The following TMED8 variants were observed in gnomAD, a reference collection of about 807,000 sequenced individuals.
TMED8 encodes the protein transmembrane p24 trafficking protein family member 8.
TMED8 carries 15 observed loss-of-function variants against 32.7 expected under a neutral mutation model. The ratio of observed to expected loss-of-function variants is 0.46; its 90% CI spans 0.31 to 0.71. TMED8 has a LOEUF of 0.71. Among genes scored for constraint, TMED8 ranks in the 30% least tolerant of loss-of-function variants. The pLI is 0.06. For missense variants in TMED8, 390 were observed against 423.9 expected (o/e 0.92, Z 0.70); for synonymous variants, 147 against 161.4 (o/e 0.91, Z 0.68).
intron 1 of TMED8, chr14:77,359,549 T>C (rs1456526962): frequency 4.9e-6 from 2 of 407,978 alleles, no homozygotes; most frequent in Non-Finnish European, 4.9e-6. Context: ...TGTGTTGTTT[T>C]CATAATATCT....
chr14:77,347,354 C>A (rs960046696), intron 2 of TMED8, among the ~76,000 whole-genome samples: 1 of 152,222 alleles, frequency 6.6e-6, no homozygotes, highest in Non-Finnish European at 1.5e-5. Flanking sequence ...CCGTTTCATA[C>A]CCTGTCCCCG....
At chr14:77,371,141 G>A (rs890172697) in intron 1 of TMED8, among the ~76,000 whole-genome samples, 3 of 152,110 alleles carry the variant, frequency 2.0e-5, no homozygotes, top group Admixed American at 6.6e-5. Context: ...TAATAACCTT[G>A]TATCTATGTC....
rs894713547 is a variant in TMED8 at position 77,338,386 on chromosome 14, C to G, written c.*3385G>C. ...TAAAAAGAAAAATTCATCATCTGTTCTCTCTGAAGCCTGCTACCTGGAGGC... is the reference window on the plus strand; with the variant it reads ...TAAAAAGAAAAATTCATCATCTGTTGTCTCTGAAGCCTGCTACCTGGAGGC... On this transcript the variant is annotated 3_prime_UTR_variant, in exon 6 of 6. Transcript: ENST00000216468. The G allele has an allele frequency of 6.6e-6, 1 of 152,218 alleles. No individual in the cohort carries two copies. The highest frequency in any genetic ancestry group is 2.4e-5 in the African/African-American group (1 of 41,446). The allele number at this position is 152,218 out of a possible 1,614,324, so 9.4% of individuals were successfully genotyped here. A position where few individuals can be genotyped will look rare whatever the true frequency, so the allele number is the denominator to read the frequency against.
chr14:77,343,516 C>T, intron 4 of TMED8, 33 bp from the exon 5 acceptor site: 1 of 1,604,356 alleles, frequency 6.2e-7, no homozygotes, highest in South Asian at 1.1e-5. Context: ...ACTGAGAAAC[C>T]ATGAGGAAAC....
intron 1 of TMED8, among the ~76,000 whole-genome samples, chr14:77,357,576 C>T (rs1366620294): frequency 1.3e-5 from 2 of 152,320 alleles, no homozygotes; most frequent in South Asian, 2.1e-4. Flanking sequence ...ATCATAACAA[C>T]CTCCAAAGGT....
chr14:77,367,677 G>A (rs1258092115), intron 1 of TMED8, among the ~76,000 whole-genome samples: 1 of 151,748 alleles, frequency 6.6e-6, no homozygotes, highest in African/African-American at 2.4e-5. Context: ...ATTGTAGGTA[G>A]GTTTGTTAAC....
intron 1 of TMED8, among the ~76,000 whole-genome samples, chr14:77,360,274 A>C (rs1023597461): frequency 6.6e-6 from 1 of 152,044 alleles, no homozygotes; most frequent in Non-Finnish European, 1.5e-5. Context: ...TGTACATTAG[A>C]TCTCTAGACT....
At position 77,373,366 on chromosome 14, in the gene TMED8, G is replaced by A. The variant is rs926104457; in HGVS notation, c.118+3570C>T. Among the ~76,000 whole-genome samples, 109 of 151,252 alleles carry A rather than the reference G, an allele frequency of 7.2e-4. 1 individual carries two copies. The highest frequency in any genetic ancestry group is 1.9e-4 in the Non-Finnish European group (13 of 67,866). On this transcript the variant is annotated intron_variant, in intron 1 of 5. Coordinates refer to ENST00000216468, the MANE Select transcript of TMED8 (RefSeq NM_213601.3). ...TAAGTGATGCAACAAGTATGCCTCAGATAGTTTCATAATTAAAGAATGATT... is the reference window on the plus strand; with the variant it reads ...TAAGTGATGCAACAAGTATGCCTCAAATAGTTTCATAATTAAAGAATGATT...
intron 1 of TMED8, among the ~76,000 whole-genome samples, chr14:77,372,125 G>A (rs1893690185): frequency 6.6e-6 from 1 of 152,124 alleles, no homozygotes; most frequent in Non-Finnish European, 1.5e-5. Flanking sequence ...AATGAACGGA[G>A]GAGGAAAAAT....
intron 1 of TMED8, among the ~76,000 whole-genome samples, chr14:77,355,600 TC>T (rs1231984825): frequency 7.9e-5 from 12 of 152,224 alleles, no homozygotes; most frequent in African/African-American, 2.9e-4. Context: ...TTCTTAACCT[TC>T]TACTGGTAGA....
chr14:77,365,579 C>T (rs967110560), intron 1 of TMED8, among the ~76,000 whole-genome samples: 2 of 152,180 alleles, frequency 1.3e-5, no homozygotes, highest in Non-Finnish European at 2.9e-5. Flanking sequence ...ACCACCGTGG[C>T]AGCTCAGTGT....
At chr14:77,370,037 T>C (rs1893641763) in intron 1 of TMED8, among the ~76,000 whole-genome samples, 1 of 152,032 alleles carries the variant, frequency 6.6e-6, no homozygotes, top group Non-Finnish European at 1.5e-5. Flanking sequence ...CCGGGCGTGG[T>C]GGCACATGCC....
rs74893687 is a variant in TMED8 at position 77,362,518 on chromosome 14, T to C, written c.119-10767A>G. ...AAGAGAAAGGAATCAAAGCTCAGCATTATAGAAAATCACCAAATCACAAAG... is the reference window on the plus strand; with the variant it reads ...AAGAGAAAGGAATCAAAGCTCAGCACTATAGAAAATCACCAAATCACAAAG... On this transcript the variant is annotated intron_variant, in intron 1 of 5. Transcript: ENST00000216468. Among the ~76,000 whole-genome samples the C allele has an allele frequency of 1.2e-3, 183 of 152,190 alleles. No individual in the cohort carries two copies. In the East Asian group the frequency reaches 0.023, roughly 19 times the overall value.
intron 1 of TMED8, among the ~76,000 whole-genome samples, chr14:77,365,112 TTCAGA>T (rs1282871867): frequency 2.6e-5 from 4 of 152,174 alleles, no homozygotes; most frequent in African/African-American, 4.8e-5. Flanking sequence ...CTGAATCTCC[TTCAGA>T]TATCACTCAG....
rs1036846708 is a variant in TMED8 at position 77,340,723 on chromosome 14, G to A, written c.*1048C>T. 1 of 152,168 alleles carries A rather than the reference G, an allele frequency of 6.6e-6. No individual in the cohort carries two copies. The highest frequency in any genetic ancestry group is 1.5e-5 in the Non-Finnish European group (1 of 68,020). The allele number at this position is 152,168 out of a possible 1,614,324, so 9.4% of individuals were successfully genotyped here. A position where few individuals can be genotyped will look rare whatever the true frequency, so the allele number is the denominator to read the frequency against. ...ATTATCACCTAAACTAAGGGACTTT[G>A]AACACCAAAAGCTTTAAGCCCTCAA... On this transcript the variant is annotated 3_prime_UTR_variant, in exon 6 of 6. Coordinates refer to ENST00000216468, the MANE Select transcript of TMED8 (RefSeq NM_213601.3).
intron 1 of TMED8, among the ~76,000 whole-genome samples, chr14:77,355,187 T>C (rs1344540242): frequency 6.8e-6 from 1 of 147,820 alleles, no homozygotes; most frequent in Non-Finnish European, 1.5e-5. Flanking sequence ...TGAAAGGACA[T>C]GCACTAAACA....
At chr14:77,372,995 T>A (rs1385364329) in intron 1 of TMED8, among the ~76,000 whole-genome samples, 2 of 114,144 alleles carry the variant, frequency 1.8e-5, no homozygotes, top group Admixed American at 1.0e-4. Context: ...AGACAGCGTC[T>A]CCCTCTGTCG....
intron 2 of TMED8, among the ~76,000 whole-genome samples, chr14:77,349,046 C>A (rs1893117672): frequency 6.6e-6 from 1 of 151,192 alleles, no homozygotes; most frequent in Non-Finnish European, 1.5e-5. Context: ...GGCACTGGGT[C>A]TCACTGCCTC....
chr14:77,337,316 CAGCAG>C lies in TMED8; in HGVS notation c.*4450_*4454del, dbSNP rs1892783650. 1 of 152,128 alleles carries C rather than the reference CAGCAG, an allele frequency of 6.6e-6. No individual in the cohort carries two copies. The highest frequency in any genetic ancestry group is 1.9e-4 in the East Asian group (1 of 5,198). The allele number at this position is 152,128 out of a possible 1,614,324, so 9.4% of individuals were successfully genotyped here. A position where few individuals can be genotyped will look rare whatever the true frequency, so the allele number is the denominator to read the frequency against. On this transcript the variant is annotated 3_prime_UTR_variant, in exon 6 of 6. Coordinates refer to ENST00000216468, the MANE Select transcript of TMED8 (RefSeq NM_213601.3). ...CTGACATGCCAGTTAGTAAGGAAAA[CAGCAG>C]AGATCATGGCCTGAGGGAAGGGGAA... is the stretch of plus-strand genomic sequence containing the variant.
Sources: allele counts gnomAD v4.1 joint callset (sites outside exome capture counted in the v4.1 genomes callset), GRCh38; gene constraint gnomAD v4.1.1; transcripts MANE v1.5; gene names NCBI Gene and HGNC (gene_info 2026-07-23, HGNC 2026-07-21).